The following CATSPERB variants were observed in gnomAD, a reference collection of about 807,000 sequenced individuals.
The protein encoded by CATSPERB is catsper channel auxiliary subunit beta.
In CATSPERB, 93 loss-of-function variants were observed where a neutral mutation model predicts 128.3. The ratio of observed to expected loss-of-function variants is 0.72; its 90% CI spans 0.61 to 0.86. The LOEUF is 0.86. Among genes scored for constraint, CATSPERB ranks in the 40% least tolerant of loss-of-function variants. The pLI is 0.00. For synonymous variants in CATSPERB, 381 were observed against 448.8 expected (o/e 0.85, Z 1.91); for missense variants, 1,153 against 1,329.5 (o/e 0.87, Z 2.06).
At chr14:91,688,886 T>C (rs907302230) in intron 10 of CATSPERB, among the ~76,000 whole-genome samples, 1 of 152,178 alleles carries the variant, frequency 6.6e-6, no homozygotes, top group Admixed American at 6.5e-5. Context: ...TTTAAAAATG[T>C]TCTCGTTCAA....
intron 24 of CATSPERB, among the ~76,000 whole-genome samples, chr14:91,589,216 G>A (rs1046796994): frequency 6.6e-6 from 1 of 152,228 alleles, no homozygotes; most frequent in Non-Finnish European, 1.5e-5. Context: ...AATGGGCAGA[G>A]AAAGGAGATG....
chr14:91,610,531 A>T lies in CATSPERB; in HGVS notation c.2547T>A (p.Ile849=), dbSNP rs547712914. 1.2e-6 allele frequency: 2 copies of T among 1,614,052 alleles called. No individual in the cohort carries two copies. The highest frequency in any genetic ancestry group is 3.3e-5 in the Admixed American group (2 of 60,016). The change falls in exon 21 of 27, where the codon ATT becomes ATA. Residue 849 remains isoleucine, a synonymous_variant. Transcript: ENST00000256343. ...CCTGACTGTCTTTATGAACTCCACT[A>T]ATCCAGTCTTCAAATGGGATAAATT... The part of the protein sequence containing the change: ...PSKFIPFEDW[I]SGVHKDSQGF...
chr14:91,698,195 TA>T (rs1337005056), intron 7 of CATSPERB, among the ~76,000 whole-genome samples: 36 of 152,238 alleles, frequency 2.4e-4, no homozygotes, highest in South Asian at 6.2e-4. Context: ...TTTTGGTGTA[TA>T]GGAATGCTAC....
At chr14:91,607,084 C>T (rs79160335) in intron 22 of CATSPERB, among the ~76,000 whole-genome samples, 29 of 30,800 alleles carry the variant, frequency 9.4e-4, no homozygotes, top group South Asian at 1.4e-3. Flanking sequence ...TGTGTGTGGG[C>T]GGGGGGGGGG....
chr14:91,588,496 C>T (rs528403867), intron 24 of CATSPERB, among the ~76,000 whole-genome samples: 5 of 152,138 alleles, frequency 3.3e-5, no homozygotes, highest in African/African-American at 1.2e-4. Flanking sequence ...GATAGGTAAA[C>T]GATTTATAAT....
At chr14:91,702,017 C>T (rs79132828) in intron 7 of CATSPERB, among the ~76,000 whole-genome samples, 3,035 of 152,056 alleles carry the variant, frequency 0.02, 105 homozygotes, top group African/African-American at 0.068. Flanking sequence ...AAGGTGCTTT[C>T]ACCTAAAGAA....
intron 14 of CATSPERB, among the ~76,000 whole-genome samples, chr14:91,665,640 C>G (rs574988537): frequency 6.6e-6 from 1 of 152,062 alleles, no homozygotes; most frequent in South Asian, 2.1e-4. Flanking sequence ...GAGGCGAAAA[C>G]GGCCAGATCA....
chr14:91,685,486 A>G (rs1039183330), intron 10 of CATSPERB, among the ~76,000 whole-genome samples: 1 of 152,176 alleles, frequency 6.6e-6, no homozygotes, highest in African/African-American at 2.4e-5. Context: ...GAGACTGCCT[A>G]TGTGCAAGGC....
intron 17 of CATSPERB, among the ~76,000 whole-genome samples, chr14:91,634,005 A>G (rs1309657470): frequency 6.6e-6 from 1 of 152,194 alleles, no homozygotes; most frequent in Admixed American, 6.5e-5. Flanking sequence ...ACCCTTGAAC[A>G]ATGCAGAGGT....
intron 7 of CATSPERB, among the ~76,000 whole-genome samples, chr14:91,695,148 T>C (rs1895540648): frequency 6.6e-6 from 1 of 150,826 alleles, no homozygotes; most frequent in African/African-American, 2.4e-5. Flanking sequence ...TTTTTTTTTT[T>C]TGATAGAGTC....
chr14:91,700,763 G>T (rs1394610559), intron 7 of CATSPERB, among the ~76,000 whole-genome samples: 1 of 152,084 alleles, frequency 6.6e-6, no homozygotes, highest in African/African-American at 2.4e-5. Flanking sequence ...ACTTGTAGGT[G>T]GGAGCTACTC....
intron 17 of CATSPERB, among the ~76,000 whole-genome samples, chr14:91,628,767 G>A (rs111810981): frequency 5.9e-5 from 9 of 152,108 alleles, no homozygotes; most frequent in Non-Finnish European, 8.8e-5. Flanking sequence ...CTTTATAGCA[G>A]TGTGAAAACA....
At chr14:91,668,998 T>A (rs1414113156) in intron 14 of CATSPERB, among the ~76,000 whole-genome samples, 2 of 152,176 alleles carry the variant, frequency 1.3e-5, no homozygotes, top group Non-Finnish European at 2.9e-5. Flanking sequence ...TCCAAGGCCT[T>A]CCCAGCCAGG....
chr14:91,705,889 C>T (rs1895724467), intron 6 of CATSPERB, among the ~76,000 whole-genome samples: 2 of 151,836 alleles, frequency 1.3e-5, no homozygotes, highest in African/African-American at 2.4e-5. Flanking sequence ...TTTGGATATG[C>T]AAAGGATTGG....
chr14:91,663,235 C>T (rs1210862463), intron 14 of CATSPERB, among the ~76,000 whole-genome samples: 1 of 152,176 alleles, frequency 6.6e-6, no homozygotes, highest in Admixed American at 6.5e-5. Context: ...GGCTGACTTA[C>T]AGGTGAGATT....
intron 19 of CATSPERB, among the ~76,000 whole-genome samples, chr14:91,621,081 G>T (rs1894033056): frequency 6.6e-6 from 1 of 152,128 alleles, no homozygotes; most frequent in Non-Finnish European, 1.5e-5. Context: ...TATTTTTAGG[G>T]TTGTTATAAA....
chr14:91,634,516 T>C (rs753180603), intron 17 of CATSPERB, among the ~76,000 whole-genome samples: 6 of 151,816 alleles, frequency 4.0e-5, no homozygotes, highest in Non-Finnish European at 8.8e-5. Context: ...CTACTGGTTA[T>C]CTACCCAAAG....
intron 13 of CATSPERB, among the ~76,000 whole-genome samples, chr14:91,671,436 G>A (rs1272712995): frequency 6.6e-6 from 1 of 151,980 alleles, no homozygotes. Flanking sequence ...TTGACCAGGT[G>A]TGGTGGTGGG....
chr14:91,594,768 A>G (rs1893474445), intron 22 of CATSPERB, among the ~76,000 whole-genome samples: 1 of 152,192 alleles, frequency 6.6e-6, no homozygotes, highest in African/African-American at 2.4e-5. Flanking sequence ...AAAAAAGAAC[A>G]GTCCTGGAAA....
Sources: gnomAD v4.1 joint callset for allele counts (sites outside exome capture counted in the v4.1 genomes callset) on GRCh38, gnomAD v4.1.1 for gene constraint, MANE v1.5 for transcripts, NCBI Gene and HGNC (gene_info 2026-07-23, HGNC 2026-07-21) for gene names.